EHMT1: variants seen among roughly 807,000 people sequenced by gnomAD.
EHMT1 encodes the protein euchromatic histone lysine methyltransferase 1, also known as histone-lysine N-methyltransferase EHMT1.
EHMT1 carries 15 observed loss-of-function variants against 147.2 expected under a neutral mutation model. The observed-to-expected ratio is 0.10, with a 90% CI of 0.07 to 0.16. The LOEUF (loss-of-function observed/expected upper bound fraction) is 0.16, where lower values mean the gene tolerates loss of function less well. Ranked by LOEUF, EHMT1 falls within the 10% of genes least tolerant of loss-of-function variation. The probability of loss-of-function intolerance (pLI) is 1.00; values close to 1 mark genes in which losing one functional copy is unlikely to be tolerated. For missense variants in EHMT1, 1,587 were observed against 1,772.4 expected (o/e 0.90, Z 1.88); for synonymous variants, 795 against 709.6 (o/e 1.12, Z -1.91).
chr9:137,634,611 ATTTCT>A lies in EHMT1; in HGVS notation c.21+15586_21+15590del, dbSNP rs138810369. 5.5e-3 allele frequency among the ~76,000 whole-genome samples: 758 copies of A among 137,290 alleles called. 11 individuals carry two copies. Among genetic ancestry groups the A allele is most frequent in the African/African-American group, 0.018 (658 of 37,320 alleles). 90.1% of individuals were successfully genotyped at this position (137,290 alleles called of 152,430 possible). ...GATTGGGTCCCTTGCATTTTCTTTC[ATTTCT>A]TTTCTTTTCTTTTCTTTTCTTTTTT... is the stretch of plus-strand genomic sequence containing the variant. On this transcript the variant is annotated intron_variant, in intron 1 of 26. Transcript: ENST00000460843.
At chr9:137,721,098 C>T (rs915162292) in intron 3 of EHMT1, among the ~76,000 whole-genome samples, 2 of 151,466 alleles carry the variant, frequency 1.3e-5, no homozygotes, top group African/African-American at 2.4e-5. Context: ...CTTCAGCGTG[C>T]GTATCCCTGT....
intron 1 of EHMT1, chr9:137,620,213 G>T (rs1304675097): frequency 6.6e-6 from 1 of 152,068 alleles, no homozygotes; most frequent in Non-Finnish European, 1.5e-5. Context: ...ATTAATATTA[G>T]TCACTGAGAA....
intron 1 of EHMT1, among the ~76,000 whole-genome samples, chr9:137,698,308 T>A (rs904606169): frequency 6.6e-6 from 1 of 152,270 alleles, no homozygotes; most frequent in Non-Finnish European, 1.5e-5. Context: ...GTGATGTAGA[T>A]GTATTATTGT....
At chr9:137,816,444 C>A in intron 23 of EHMT1, 14 of 346,248 alleles carry the variant, frequency 4.0e-5, no homozygotes, top group East Asian at 7.6e-5. Flanking sequence ...TCTCTGTTCT[C>A]TGGGCTTCCC....
chr9:137,707,523 A>G (rs1332615312), intron 1 of EHMT1, among the ~76,000 whole-genome samples: 1 of 152,224 alleles, frequency 6.6e-6, no homozygotes, highest in Non-Finnish European at 1.5e-5. Context: ...AGGCAGAGGC[A>G]TCTGTGCTGT....
In EHMT1 at chr9:137,828,589, G is replaced by T. The variant is rs544712784; in HGVS notation, c.3541-5760G>T. On this transcript the variant is annotated intron_variant, in intron 25 of 26. Coordinates refer to ENST00000460843, the MANE Select transcript of EHMT1 (RefSeq NM_024757.5). This position sits in a 1 kb window ranked among gnomAD's most constrained non-coding sequence, Gnocchi z 5.3. ...GTGTGCTCCTGCGGGGGTGCGGGGT[G>T]GGGGAGGTACCACGTCTCCCGGGCA... is the stretch of plus-strand genomic sequence containing the variant. 1.4e-4 allele frequency among the ~76,000 whole-genome samples: 22 copies of T among 152,098 alleles called. No homozygotes were observed. Among genetic ancestry groups the T allele is most frequent in the Admixed American group, 2.6e-4 (4 of 15,282 alleles).
At chr9:137,717,480 C>G (rs922404952) in intron 3 of EHMT1, among the ~76,000 whole-genome samples, 1 of 151,640 alleles carries the variant, frequency 6.6e-6, no homozygotes, top group Non-Finnish European at 1.5e-5. Flanking sequence ...CATAGTGGTG[C>G]GTACCTGTAG....
intron 16 of EHMT1, among the ~76,000 whole-genome samples, chr9:137,796,268 A>C (rs538743958): frequency 6.6e-6 from 1 of 152,358 alleles, no homozygotes; most frequent in South Asian, 2.1e-4. Context: ...AAAAAGCACA[A>C]AAATGATTGA....
intron 1 of EHMT1, among the ~76,000 whole-genome samples, chr9:137,668,893 T>C (rs1243114868): frequency 4.6e-5 from 7 of 152,154 alleles, no homozygotes; most frequent in African/African-American, 7.2e-5. Flanking sequence ...GCCAAGTTGT[T>C]TTCTTTTTTT....
intron 3 of EHMT1, among the ~76,000 whole-genome samples, chr9:137,724,453 C>T (rs549865214): frequency 1.3e-5 from 2 of 152,306 alleles, no homozygotes; most frequent in South Asian, 2.1e-4. Context: ...AACAAGAGTC[C>T]CAACAAAACC....
At chr9:137,707,422 C>G (rs924845374) in intron 1 of EHMT1, among the ~76,000 whole-genome samples, 1 of 152,244 alleles carries the variant, frequency 6.6e-6, no homozygotes, top group African/African-American at 2.4e-5. Flanking sequence ...GGGCCTCCCT[C>G]CTCCCCGGTG....
At position 137,828,913 on chromosome 9, in the gene EHMT1, A is replaced by G. The variant is rs1564836658; in HGVS notation, c.3541-5436A>G. Among the ~76,000 whole-genome samples the G allele has an allele frequency of 6.6e-6, 1 of 152,040 alleles. No homozygotes were observed. Among genetic ancestry groups the G allele is most frequent in the Non-Finnish European group, 1.5e-5 (1 of 68,000 alleles). On this transcript the variant is annotated intron_variant, in intron 25 of 26. Coordinates refer to ENST00000460843, the MANE Select transcript of EHMT1 (RefSeq NM_024757.5). This position sits in a 1 kb window ranked among gnomAD's most constrained non-coding sequence, Gnocchi z 5.3. ...TGGGGGCTTGTGGAGCCTGCTAGGA[A>G]TCCTGGGAAGAGCCCAGATGGGCCT...
intron 10 of EHMT1, chr9:137,764,103 GCCT>G (rs1950050574): frequency 6.6e-6 from 1 of 152,380 alleles, no homozygotes; most frequent in African/African-American, 2.4e-5. Flanking sequence ...CCACTGGTTC[GCCT>G]CCTCTTCTCC....
intron 2 of EHMT1, among the ~76,000 whole-genome samples, chr9:137,713,341 C>T (rs2135430079): frequency 6.8e-6 from 1 of 146,328 alleles, no homozygotes; most frequent in East Asian, 2.1e-4. Flanking sequence ...ACGATCTCGG[C>T]TCACTGCAAG....
intron 9 of EHMT1, 36 bp from the exon 10 acceptor site, chr9:137,762,639 G>A (rs1433326221): frequency 6.2e-7 from 1 of 1,613,986 alleles, no homozygotes; most frequent in Non-Finnish European, 8.5e-7. Context: ...TTGAGGTCAG[G>A]ATTGCATGAG....
At chr9:137,697,134 A>G (rs1473471734) in intron 1 of EHMT1, 1 of 391,084 alleles carries the variant, frequency 2.6e-6, no homozygotes, top group Non-Finnish European at 5.3e-6. Context: ...TGCAAAAATT[A>G]GCTGGGCATG....
intron 1 of EHMT1, among the ~76,000 whole-genome samples, chr9:137,634,868 ATTTTTT>A (rs781056803): frequency 0.02 from 1,812 of 92,070 alleles, 26 homozygotes; most frequent in Middle Eastern, 0.11. Flanking sequence ...TGCCCAGCTA[ATTTTTT>A]TTTTTTTTTT....
rs1564739364 is a variant in EHMT1 at position 137,776,924 on chromosome 9, C to A, written c.2018+80C>A. 9 of 1,354,968 alleles carry A rather than the reference C, an allele frequency of 6.6e-6. No homozygotes were observed. Among genetic ancestry groups the A allele is most frequent in the Non-Finnish European group, 9.3e-6 (9 of 969,952 alleles). 83.9% of individuals were successfully genotyped at this position (1,354,968 alleles called of 1,614,324 possible). On this transcript the variant is annotated intron_variant, in intron 12 of 26. Transcript: ENST00000460843. This position sits in a 1 kb window ranked among gnomAD's most constrained non-coding sequence, Gnocchi z 4.4. The stretch of plus-strand genomic sequence containing the variant: ...AGTTGTTAACTCAACGTTATTGCTT[C>A]CTGCTGTTTTTTCCAGAAGTCTCTG...
chr9:137,630,069 C>T (rs911149765), intron 1 of EHMT1, among the ~76,000 whole-genome samples: 1 of 152,212 alleles, frequency 6.6e-6, no homozygotes, highest in African/African-American at 2.4e-5. Context: ...TAAGAGGCCA[C>T]TTTCCCAGGA....
Sources: allele counts gnomAD v4.1 joint callset (sites outside exome capture counted in the v4.1 genomes callset), GRCh38; gene constraint gnomAD v4.1.1; non-coding constraint Gnocchi (gnomAD v3.1); transcripts MANE v1.5; gene names NCBI Gene and HGNC (gene_info 2026-07-23, HGNC 2026-07-21).